The following PRKG1 variants were observed in gnomAD, a reference collection of about 807,000 sequenced individuals.
The protein encoded by PRKG1 is protein kinase cGMP-dependent 1, also known as cGMP-dependent protein kinase 1.
A neutral mutation model predicts 88.1 loss-of-function variants in PRKG1; 35 were observed. The ratio of observed to expected loss-of-function variants is 0.40; its 90% CI spans 0.30 to 0.53. PRKG1 has a LOEUF of 0.53. Among genes scored for constraint, PRKG1 ranks in the 20% least tolerant of loss-of-function variants. The pLI is 0.59. For synonymous variants in PRKG1, 303 were observed against 292.5 expected (o/e 1.04, Z -0.37); for missense variants, 540 against 839.8 (o/e 0.64, Z 4.41).
chr10:52,001,966 AAC>A (rs1358291397), intron 5 of PRKG1, among the ~76,000 whole-genome samples: 1 of 152,050 alleles, frequency 6.6e-6, no homozygotes, highest in Non-Finnish European at 1.5e-5. Flanking sequence ...TGGAAAAAAG[AAC>A]AGCAACCATG....
chr10:52,174,100 G>GA (rs1554813617), intron 9 of PRKG1, among the ~76,000 whole-genome samples: 8 of 143,660 alleles, frequency 5.6e-5, no homozygotes, highest in African/African-American at 2.0e-4. Flanking sequence ...TAGTAATCAG[G>GA]TTTTTTTAAT....
intron 10 of PRKG1, chr10:52,252,482 AGAG>A (rs1177901015): frequency 6.6e-6 from 1 of 152,138 alleles, no homozygotes; most frequent in Non-Finnish European, 1.5e-5. Context: ...TGCTGAACAT[AGAG>A]GAGTTCCTGA....
intron 17 of PRKG1, among the ~76,000 whole-genome samples, chr10:52,291,412 C>G (rs1173810850): frequency 2.6e-5 from 3 of 116,340 alleles, no homozygotes; most frequent in Non-Finnish European, 5.1e-5. Flanking sequence ...CCCCTCCCCC[C>G]ACCCCACAAC....
chr10:50,992,414 G>T (rs901776725), intron 1 of PRKG1, among the ~76,000 whole-genome samples: 2 of 152,132 alleles, frequency 1.3e-5, no homozygotes, highest in East Asian at 3.9e-4. Flanking sequence ...TTTGGAGTCC[G>T]CTCAGTGACC....
At chr10:51,801,334 T>A (rs74132432) in intron 3 of PRKG1, among the ~76,000 whole-genome samples, 10 of 152,242 alleles carry the variant, frequency 6.6e-5, no homozygotes, top group African/African-American at 2.2e-4. Flanking sequence ...ACAATTCTCA[T>A]GTGTCACGAA....
chr10:51,912,529 G>T (rs1178334154), intron 5 of PRKG1, among the ~76,000 whole-genome samples: 1 of 152,100 alleles, frequency 6.6e-6, no homozygotes, highest in African/African-American at 2.4e-5. Flanking sequence ...AATATTCATT[G>T]TAAAACAATA....
At chr10:51,898,858 C>A (rs924973661) in intron 4 of PRKG1, among the ~76,000 whole-genome samples, 2 of 151,992 alleles carry the variant, frequency 1.3e-5, no homozygotes, top group Admixed American at 1.3e-4. Context: ...TTTAAATGGG[C>A]CCATTCAGAT....
chr10:51,090,816 C>T (rs1470295962), intron 1 of PRKG1, among the ~76,000 whole-genome samples: 1 of 152,136 alleles, frequency 6.6e-6, no homozygotes, highest in Non-Finnish European at 1.5e-5. Flanking sequence ...TTAAATCCAT[C>T]AAAAGTGTTT....
chr10:52,073,256 G>A (rs547970012), intron 7 of PRKG1, among the ~76,000 whole-genome samples: 1 of 152,152 alleles, frequency 6.6e-6, no homozygotes, highest in Admixed American at 6.5e-5. Context: ...ACCTTAACTT[G>A]ATCATATCTG....
intron 6 of PRKG1, among the ~76,000 whole-genome samples, chr10:52,061,443 T>C (rs1261521470): frequency 6.6e-6 from 1 of 152,056 alleles, no homozygotes; most frequent in Non-Finnish European, 1.5e-5. Context: ...AACTAACCTT[T>C]CTGGATGACA....
chr10:51,316,685 A>AAAATAAATAAATAAATAAATAAAT (rs139669190), intron 2 of PRKG1, among the ~76,000 whole-genome samples: 213 of 151,010 alleles, frequency 1.4e-3, no homozygotes, highest in South Asian at 0.01. Context: ...TCCGTCTCAA[A>AAAATAAATAAATAAATAAATAAAT]AAATAAATAA....
chr10:51,395,975 A>G (rs375101066), intron 2 of PRKG1, among the ~76,000 whole-genome samples: 3 of 152,198 alleles, frequency 2.0e-5, no homozygotes, highest in Non-Finnish European at 4.4e-5. Context: ...ATATGAAATT[A>G]TATGTTAAAG....
chr10:52,226,990 G>C (rs1840404682), intron 9 of PRKG1, among the ~76,000 whole-genome samples: 1 of 152,100 alleles, frequency 6.6e-6, no homozygotes, highest in Admixed American at 6.5e-5. Context: ...TTCTGTCAAT[G>C]ACACATGTTA....
chr10:51,872,423 T>G (rs556821005), intron 4 of PRKG1, among the ~76,000 whole-genome samples: 8 of 152,330 alleles, frequency 5.3e-5, no homozygotes, highest in African/African-American at 1.9e-4. Flanking sequence ...CTTATTAACG[T>G]GATGACTATT....
chr10:51,930,434 A>T (rs1842664665), intron 5 of PRKG1, among the ~76,000 whole-genome samples: 1 of 152,084 alleles, frequency 6.6e-6, no homozygotes, highest in Non-Finnish European at 1.5e-5. Flanking sequence ...TTAGAAAAAA[A>T]GAATGCCTTC....
chr10:51,693,519 A>T (rs1194864353), intron 3 of PRKG1, among the ~76,000 whole-genome samples: 5 of 152,002 alleles, frequency 3.3e-5, no homozygotes, highest in Non-Finnish European at 7.4e-5. Context: ...CTCGTGCCTC[A>T]GACTCCCAAG....
At chr10:51,675,041 A>C (rs1046022045) in intron 3 of PRKG1, among the ~76,000 whole-genome samples, 5 of 152,162 alleles carry the variant, frequency 3.3e-5, no homozygotes, top group African/African-American at 1.2e-4. Flanking sequence ...GGAACTACTA[A>C]TATATTTCTG....
At chr10:51,737,730 TTTATTTATTAATTATTATTA>T (rs1385458218) in intron 3 of PRKG1, among the ~76,000 whole-genome samples, 1,861 of 112,294 alleles carry the variant, frequency 0.017, 48 homozygotes, top group African/African-American at 0.065. Context: ...TATTTATTTA[TTTATTTATTAATTATTATTA>T]TTATTATTAT....
intron 4 of PRKG1, among the ~76,000 whole-genome samples, chr10:51,896,799 TCCAGTATAA>T (rs1400412685): frequency 6.6e-6 from 1 of 152,006 alleles, no homozygotes; most frequent in Non-Finnish European, 1.5e-5. Context: ...TATACAATTC[TCCAGTATAA>T]GGAGTTTAAA....
Sources: gnomAD v4.1 joint callset for allele counts (sites outside exome capture counted in the v4.1 genomes callset) on GRCh38, gnomAD v4.1.1 for gene constraint, MANE v1.5 for transcripts, NCBI Gene and HGNC (gene_info 2026-07-23, HGNC 2026-07-21) for gene names.